The following CDK14 variants were observed in gnomAD, a reference collection of about 807,000 sequenced individuals.
CDK14 encodes cyclin dependent kinase 14, also known as cyclin-dependent kinase 14.
Under a neutral mutation model 60.7 loss-of-function variants are expected in CDK14, and 34 were observed. The ratio of observed to expected loss-of-function variants is 0.56; its 90% CI spans 0.43 to 0.75. CDK14 has a LOEUF of 0.75. CDK14 is among the 30% of genes least tolerant of loss of function. The probability of loss-of-function intolerance (pLI) is 0.00; values close to 1 mark genes in which losing one functional copy is unlikely to be tolerated. For synonymous variants in CDK14, 197 were observed against 203.7 expected (o/e 0.97, Z 0.28); for missense variants, 482 against 564.1 (o/e 0.85, Z 1.47).
intron 5 of CDK14, among the ~76,000 whole-genome samples, chr7:90,816,853 T>C (rs1477684160): frequency 6.6e-6 from 1 of 152,182 alleles, no homozygotes; most frequent in Non-Finnish European, 1.5e-5. Context: ...AGAGCATTAG[T>C]GGTGATGTAA....
intron 10 of CDK14, among the ~76,000 whole-genome samples, chr7:91,016,837 A>G (rs1241704504): frequency 1.3e-5 from 2 of 152,220 alleles, no homozygotes; most frequent in East Asian, 1.9e-4. Flanking sequence ...TAAACAAAGC[A>G]TTGTCTATAG....
At chr7:90,922,179 A>G (rs990552282) in intron 8 of CDK14, among the ~76,000 whole-genome samples, 1 of 152,214 alleles carries the variant, frequency 6.6e-6, no homozygotes, top group Non-Finnish European at 1.5e-5. Context: ...AAGGTTAGAT[A>G]TAACTTAGCT....
At chr7:90,961,462 A>C (rs1276500844) in intron 9 of CDK14, among the ~76,000 whole-genome samples, 1 of 152,206 alleles carries the variant, frequency 6.6e-6, no homozygotes, top group Non-Finnish European at 1.5e-5. Context: ...GCCATTACTC[A>C]TTTATTACTT....
At chr7:90,963,493 C>T (rs1024525797) in intron 9 of CDK14, among the ~76,000 whole-genome samples, 15 of 151,990 alleles carry the variant, frequency 9.9e-5, no homozygotes, top group African/African-American at 3.6e-4. Flanking sequence ...CTGGTGCTTT[C>T]GTGTTGTAAG....
chr7:91,014,334 A>G (rs1485987375), intron 10 of CDK14, among the ~76,000 whole-genome samples: 1 of 152,228 alleles, frequency 6.6e-6, no homozygotes, highest in Admixed American at 6.5e-5. Context: ...CTCTTTTGCA[A>G]CTCAACATTT....
intron 7 of CDK14, among the ~76,000 whole-genome samples, chr7:90,913,357 A>T (rs1234378588): frequency 6.6e-6 from 1 of 152,124 alleles, no homozygotes; most frequent in Non-Finnish European, 1.5e-5. Context: ...TTTGTTAAGG[A>T]TGTTAAAATG....
intron 6 of CDK14, among the ~76,000 whole-genome samples, chr7:90,874,348 G>A (rs1035256475): frequency 4.6e-5 from 7 of 151,918 alleles, no homozygotes; most frequent in African/African-American, 1.7e-4. Context: ...ATTTCAGTAA[G>A]ATTGCTCCAT....
At chr7:90,904,693 CT>C (rs150510835) in intron 7 of CDK14, among the ~76,000 whole-genome samples, 23,958 of 152,024 alleles carry the variant, frequency 0.16, 2,167 homozygotes, top group Middle Eastern at 0.26. Context: ...AACCATAATT[CT>C]TTCAAATGTA....
chr7:90,646,655 T>G (rs1800474891), intron 2 of CDK14, among the ~76,000 whole-genome samples: 1 of 152,194 alleles, frequency 6.6e-6, no homozygotes, highest in Non-Finnish European at 1.5e-5. Flanking sequence ...TTCCCCACCT[T>G]GGGCTCCACA....
intron 2 of CDK14, among the ~76,000 whole-genome samples, chr7:90,624,170 C>G (rs1799829657): frequency 6.6e-6 from 1 of 152,152 alleles, no homozygotes; most frequent in Non-Finnish European, 1.5e-5. Flanking sequence ...GTCTTCTGTT[C>G]TCACAGTGGA....
intron 14 of CDK14, among the ~76,000 whole-genome samples, chr7:91,156,366 T>C (rs1027049737): frequency 1.3e-5 from 2 of 152,230 alleles, no homozygotes; most frequent in African/African-American, 4.8e-5. Context: ...TGTTTTCTAT[T>C]ACTTCTTGGT....
chr7:90,762,658 T>G (rs751599164), intron 4 of CDK14, among the ~76,000 whole-genome samples: 1 of 152,000 alleles, frequency 6.6e-6, no homozygotes, highest in Non-Finnish European at 1.5e-5. Flanking sequence ...AGCAAAAAGA[T>G]AGAGAAATAT....
chr7:91,128,933 T>G (rs975509002), intron 14 of CDK14, among the ~76,000 whole-genome samples: 1 of 152,192 alleles, frequency 6.6e-6, no homozygotes, highest in Non-Finnish European at 1.5e-5. Flanking sequence ...ATTCTTATGT[T>G]TATCATACTC....
intron 10 of CDK14, among the ~76,000 whole-genome samples, chr7:90,990,617 C>T (rs1350301989): frequency 6.6e-6 from 1 of 152,036 alleles, no homozygotes; most frequent in Non-Finnish European, 1.5e-5. Context: ...CAACATTAAA[C>T]ATTTTTGTAT....
At chr7:90,681,700 A>G (rs1801321238) in intron 2 of CDK14, among the ~76,000 whole-genome samples, 1 of 152,188 alleles carries the variant, frequency 6.6e-6, no homozygotes, top group Non-Finnish European at 1.5e-5. Flanking sequence ...AAACTTTTTT[A>G]TTGACTCAAA....
At chr7:90,760,868 A>G (rs1235690354) in intron 4 of CDK14, among the ~76,000 whole-genome samples, 2 of 152,224 alleles carry the variant, frequency 1.3e-5, no homozygotes, top group Non-Finnish European at 2.9e-5. Context: ...TTTGAAAAGT[A>G]GGGTTCCTAT....
At chr7:90,974,417 A>T (rs1319099452) in intron 9 of CDK14, among the ~76,000 whole-genome samples, 4 of 152,214 alleles carry the variant, frequency 2.6e-5, no homozygotes, top group Non-Finnish European at 5.9e-5. Flanking sequence ...GGCATAAGAA[A>T]TTATAAAAGT....
At chr7:90,978,385 G>A (rs193238458) in intron 9 of CDK14, among the ~76,000 whole-genome samples, 1 of 152,096 alleles carries the variant, frequency 6.6e-6, no homozygotes. Context: ...CACGTATGTA[G>A]GGTATGAGTA....
chr7:91,165,067 C>A (rs928076307), intron 14 of CDK14, among the ~76,000 whole-genome samples: 1 of 152,096 alleles, frequency 6.6e-6, no homozygotes, highest in African/African-American at 2.4e-5. Context: ...TTTTTGTGAT[C>A]GCTCTTCAGC....
Sources: allele counts gnomAD v4.1 joint callset (sites outside exome capture counted in the v4.1 genomes callset), GRCh38; gene constraint gnomAD v4.1.1; transcripts MANE v1.5; gene names NCBI Gene and HGNC (gene_info 2026-07-23, HGNC 2026-07-21).